KLRG2: variants seen among roughly 807,000 people sequenced by gnomAD.
KLRG2 encodes killer cell lectin-like receptor subfamily G member 2.
In KLRG2, 39 loss-of-function variants were observed where a neutral mutation model predicts 35.4. That is an observed-to-expected ratio of 1.10 (90% CI 0.85 to 1.44). KLRG2 has a LOEUF of 1.44. Ranked by LOEUF, KLRG2 falls within the 40% of genes most tolerant of loss-of-function variation. The pLI is 0.00. For synonymous variants in KLRG2, 283 were observed against 265.8 expected (o/e 1.06, Z -0.63); for missense variants, 632 against 570.9 (o/e 1.11, Z -1.09).
chr7:139,483,063 C>T lies in KLRG2; in HGVS notation c.580G>A (p.Glu194Lys). 6 of 1,387,212 alleles carry T rather than the reference C, an allele frequency of 4.3e-6. No homozygotes were observed. The South Asian group carries it at 8.2e-5, about 19-fold the overall frequency. 85.9% of individuals were successfully genotyped at this position (1,387,212 alleles called of 1,614,324 possible). A position where few individuals can be genotyped will look rare whatever the true frequency, so the allele number is the denominator to read the frequency against. The change falls in exon 1 of 5, where the codon GAG becomes AAG. Residue 194 changes from glutamate to lysine, a missense_variant. Transcript: ENST00000340940. The stretch of plus-strand genomic sequence containing the variant: ...CGGCCCTCTGCGTCGCAGCCGCTCT[C>T]CGTCCGGGCTGCAGCCAGCGGCGAG... ...RRSPLAAART[E>K]SGCDAEGRAS...
chr7:139,480,366 C>T (rs1796934678), intron 1 of KLRG2, 119 bp from the exon 2 acceptor site: 2 of 619,296 alleles, frequency 3.2e-6, no homozygotes, highest in Non-Finnish European at 5.9e-6. Context: ...CCCACCCCCT[C>T]AGCCTGGGAT....
In KLRG2 at chr7:139,478,480, AC is replaced by A. The variant is rs1017783936; in HGVS notation, c.1005+1146del. ...AGGTGGGGATTTTGAGACCAGCCTG[AC>A]CAACATGGAGAAACCCCATCTCTAC... On this transcript the variant is annotated intron_variant, in intron 3 of 4. Coordinates refer to ENST00000340940, the MANE Select transcript of KLRG2 (RefSeq NM_198508.4). Among the ~76,000 whole-genome samples the A allele has an allele frequency of 1.2e-4, 18 of 151,862 alleles. No individual in the cohort carries two copies. In the South Asian group the frequency reaches 1.2e-3, roughly 11 times the overall value.
At chr7:139,452,198 G>A (rs1029228077), downstream of KLRG2, among the ~76,000 whole-genome samples, 9 of 152,086 alleles carry the variant, frequency 5.9e-5, no homozygotes, top group East Asian at 1.9e-4. Flanking sequence ...GGCTGGTCTC[G>A]AACTCCTGAC....
intron 3 of KLRG2, among the ~76,000 whole-genome samples, chr7:139,466,711 C>G (rs923945157): frequency 6.7e-6 from 1 of 150,112 alleles, no homozygotes; most frequent in Non-Finnish European, 1.5e-5. Flanking sequence ...CCAAAATCGC[C>G]GAGGCCTCGA....
chr7:139,445,978 C>T, the KLRG2 span, among the ~76,000 whole-genome samples: 10 of 151,174 alleles, frequency 6.6e-5, no homozygotes, highest in Non-Finnish European at 1.5e-5. Context: ...ATTGCAGGCA[C>T]ACACCACCAC....
the KLRG2 span, among the ~76,000 whole-genome samples, chr7:139,432,117 A>G: frequency 1.3e-5 from 2 of 152,072 alleles, no homozygotes; most frequent in Non-Finnish European, 2.9e-5. Flanking sequence ...GCACTTTGAG[A>G]GGCTAAGGCA....
intron 3 of KLRG2, among the ~76,000 whole-genome samples, chr7:139,455,054 T>C (rs1181898483): frequency 3.3e-5 from 5 of 151,684 alleles, no homozygotes; most frequent in Admixed American, 6.6e-5. Flanking sequence ...AGCCTTGCTC[T>C]GTCACCCAGG....
At chr7:139,472,441 GA>G (rs1196329717) in intron 3 of KLRG2, among the ~76,000 whole-genome samples, 1 of 151,128 alleles carries the variant, frequency 6.6e-6, no homozygotes, top group East Asian at 1.9e-4. Flanking sequence ...AAGAAAAAAG[GA>G]CAAAAAAAAA....
At chr7:139,444,171 AC>A in the KLRG2 span, among the ~76,000 whole-genome samples, 45 of 152,232 alleles carry the variant, frequency 3.0e-4, no homozygotes, top group African/African-American at 1.1e-3. Context: ...GATGGTACCT[AC>A]CCATACTGAG....
intron 3 of KLRG2, among the ~76,000 whole-genome samples, chr7:139,463,723 A>ACGTCAGAGACT (rs1796607102): frequency 6.6e-6 from 1 of 152,192 alleles, no homozygotes; most frequent in African/African-American, 2.4e-5. Context: ...AGGCTCTCTG[A>ACGTCAGAGACT]CTGACTCCTT....
In KLRG2 at chr7:139,454,190, A is replaced by G; in HGVS notation, c.1030T>C (p.Ser344Pro). Residue 344 changes from serine (S) to proline (P), a missense_variant, in exon 4 of 5, where the codon TCC becomes CCC. Ser to Pro is a moderately conservative substitution (Grantham distance 74, BLOSUM62 -1). Coordinates refer to ENST00000340940, the MANE Select transcript of KLRG2 (RefSeq NM_198508.4). ...TQDFLGRYPV[S>P]RHSWVGAWRG... is the part of the protein sequence containing the mutation. The stretch of plus-strand genomic sequence containing the variant: ...CAGGCCCCCACCCAGGAGTGCCTGG[A>G]GACTGGGTATCTGCCCAGGAAGTCC... 2 of 1,540,612 alleles carry G rather than the reference A, an allele frequency of 1.3e-6. No individual in the cohort carries two copies. Among genetic ancestry groups the G allele is most frequent in the East Asian group, 4.9e-5 (2 of 40,788 alleles).
chr7:139,446,349 T>C, the KLRG2 span, among the ~76,000 whole-genome samples: 1 of 147,070 alleles, frequency 6.8e-6, no homozygotes, highest in Non-Finnish European at 1.5e-5. Context: ...TTTTTTTTTT[T>C]TTTTTTTTTT....
chr7:139,436,246 T>C, the KLRG2 span, among the ~76,000 whole-genome samples: 23 of 152,084 alleles, frequency 1.5e-4, no homozygotes, highest in African/African-American at 4.8e-4. Context: ...CGCATTTTTT[T>C]CCTCGAGTCT....
At chr7:139,482,117 C>T (rs1205874718) in intron 1 of KLRG2, among the ~76,000 whole-genome samples, 2 of 152,148 alleles carry the variant, frequency 1.3e-5, no homozygotes, top group Non-Finnish European at 2.9e-5. Context: ...GGCACATCTA[C>T]CCTGTGGTCC....
Position 139,483,500 on chromosome 7 carries a change from G to A in KLRG2, c.143C>T (p.Pro48Leu). The A allele has an allele frequency of 6.3e-7, 1 of 1,598,650 alleles. No homozygotes were observed. Among genetic ancestry groups the A allele is most frequent in the Non-Finnish European group, 8.5e-7 (1 of 1,178,852 alleles). The change falls in exon 1 of 5, where the codon CCA (proline) becomes CTA (leucine). Residue 48 changes from proline to leucine, a missense_variant. Transcript: ENST00000340940. ...VRQPEGPESS[P>L]SPAGAVEKAA... ...CTTCTCCACGGCCCCGGCCGGACTT[G>A]GGCTGCTTTCGGGACCTTCAGGTTG...
the KLRG2 span, among the ~76,000 whole-genome samples, chr7:139,438,730 C>A: frequency 6.7e-6 from 1 of 149,862 alleles, no homozygotes; most frequent in Non-Finnish European, 1.5e-5. Flanking sequence ...GGCTGGAGTG[C>A]AATGGCGTGA....
downstream of KLRG2, among the ~76,000 whole-genome samples, chr7:139,449,127 C>T (rs984217856): frequency 4.1e-5 from 6 of 146,048 alleles, no homozygotes; most frequent in Non-Finnish European, 9.0e-5. Context: ...AATTGTTGGG[C>T]GTGGTGGCTC....
the KLRG2 span, among the ~76,000 whole-genome samples, chr7:139,427,418 C>G: frequency 6.6e-6 from 1 of 152,176 alleles, no homozygotes; most frequent in Non-Finnish European, 1.5e-5. Context: ...GGCTGTCAGT[C>G]AAGCAGGGAT....
At chr7:139,438,701 G>A in the KLRG2 span, among the ~76,000 whole-genome samples, 1 of 144,164 alleles carries the variant, frequency 6.9e-6, no homozygotes. Flanking sequence ...TTGAGATGGA[G>A]TTTCGCTCTT....
Sources: allele counts gnomAD v4.1 joint callset (sites outside exome capture counted in the v4.1 genomes callset), GRCh38; gene constraint gnomAD v4.1.1; transcripts MANE v1.5; gene names NCBI Gene and HGNC (gene_info 2026-07-23, HGNC 2026-07-21).